Variants in SLC44A1 observed in about 807,000 individuals in gnomAD.
The protein encoded by SLC44A1 is solute carrier family 44 member 1.
In SLC44A1, 26 loss-of-function variants were observed where a neutral mutation model predicts 79.3. The ratio of observed to expected loss-of-function variants is 0.33; its 90% CI spans 0.24 to 0.46. The LOEUF is 0.46. Among genes scored for constraint, SLC44A1 ranks in the 20% least tolerant of loss-of-function variants. The probability of loss-of-function intolerance (pLI) is 1.00; values close to 1 mark genes in which losing one functional copy is unlikely to be tolerated. For synonymous variants in SLC44A1, 263 were observed against 286.2 expected (o/e 0.92, Z 0.82); for missense variants, 688 against 798.1 (o/e 0.86, Z 1.66).
intron 13 of SLC44A1, among the ~76,000 whole-genome samples, chr9:105,377,781 A>C (rs2131451968): frequency 6.6e-6 from 1 of 152,074 alleles, no homozygotes; most frequent in South Asian, 2.1e-4. Context: ...AAAGAGAAGA[A>C]TATAAAGATG....
intron 1 of SLC44A1, among the ~76,000 whole-genome samples, chr9:105,267,162 G>T (rs918033959): frequency 2.0e-5 from 3 of 152,120 alleles, no homozygotes; most frequent in Non-Finnish European, 1.5e-5. Context: ...CAGAATTCTA[G>T]GTTGGAAATT....
intron 13 of SLC44A1, among the ~76,000 whole-genome samples, chr9:105,377,194 C>G (rs1326217735): frequency 6.6e-6 from 1 of 151,774 alleles, no homozygotes; most frequent in Non-Finnish European, 1.5e-5. Flanking sequence ...CTGTTATTCA[C>G]CTACTAAGCC....
rs140068947 is a variant in SLC44A1, at chr9:105,366,994, A to G, written c.1494+565A>G. Among the ~76,000 whole-genome samples the G allele has an allele frequency of 3.2e-4, 49 of 151,724 alleles. No homozygotes were observed. The East Asian group carries it at 8.7e-3, about 27-fold the overall frequency. On this transcript the variant is annotated intron_variant, in intron 12 of 15. Transcript: ENST00000374720. ...CTATGATATTGGCCTGGGAAATATT[A>G]TCAAAGGAAGTACTACTTAATAAGG...
chr9:105,425,772 G>A (rs913572295), intron 15 of SLC44A1, among the ~76,000 whole-genome samples: 3 of 152,116 alleles, frequency 2.0e-5, no homozygotes, highest in East Asian at 1.9e-4. Flanking sequence ...GCAGTGAGCC[G>A]AGATCATGCC....
intron 13 of SLC44A1, among the ~76,000 whole-genome samples, chr9:105,376,311 G>T (rs1588848197): frequency 2.6e-5 from 2 of 76,444 alleles, no homozygotes; most frequent in Non-Finnish European, 5.4e-5. Flanking sequence ...GTATATATAT[G>T]TATACACACA....
In SLC44A1 at chr9:105,282,240, C is replaced by CT. The variant is rs71501464; in HGVS notation, c.37-16967dup. 1.8e-3 allele frequency among the ~76,000 whole-genome samples: 245 copies of CT among 137,926 alleles called. 1 individual carries two copies. The highest frequency in any genetic ancestry group is 3.8e-3 in the Middle Eastern group (1 of 260). 90.5% of individuals were successfully genotyped at this position (137,926 alleles called of 152,430 possible). A position where few individuals can be genotyped will look rare whatever the true frequency, so the allele number is the denominator to read the frequency against. On this transcript the variant is annotated intron_variant, in intron 1 of 15. Transcript: ENST00000374720. ...TATTAGCATTCATTTTTCTTGGTTGCTTTTTTTTTTTTTAAGAACAAATTT... is the reference window on the plus strand; with the variant it reads ...TATTAGCATTCATTTTTCTTGGTTGCTTTTTTTTTTTTTTAAGAACAAATTT...
chr9:105,284,663 A>T (rs537034733), intron 1 of SLC44A1, among the ~76,000 whole-genome samples: 1 of 152,058 alleles, frequency 6.6e-6, no homozygotes, highest in Admixed American at 6.6e-5. Context: ...CATCTCGTAT[A>T]TCTGATGCGG....
intron 3 of SLC44A1, among the ~76,000 whole-genome samples, chr9:105,318,542 G>A (rs1477338760): frequency 3.3e-5 from 5 of 152,212 alleles, no homozygotes; most frequent in South Asian, 2.1e-4. Context: ...TTGTAAAGAC[G>A]CTAACTAAAT....
chr9:105,332,920 A>G (rs1826797158), intron 3 of SLC44A1, among the ~76,000 whole-genome samples: 2 of 152,320 alleles, frequency 1.3e-5, no homozygotes, highest in East Asian at 1.9e-4. Context: ...ACAACAAACT[A>G]TAAAATCGGT....
chr9:105,362,044 TTGTG>T (rs1196846469), intron 8 of SLC44A1, among the ~76,000 whole-genome samples: 2 of 151,758 alleles, frequency 1.3e-5, no homozygotes, highest in Non-Finnish European at 2.9e-5. Flanking sequence ...ATATGTGTGT[TTGTG>T]TGTGCGTGTG....
chr9:105,278,509 A>G (rs903977784), intron 1 of SLC44A1, among the ~76,000 whole-genome samples: 5 of 152,216 alleles, frequency 3.3e-5, no homozygotes, highest in African/African-American at 1.2e-4. Context: ...CGGCCTCCCG[A>G]AGTGCTGGGA....
chr9:105,253,917 G>A (rs1829645174), intron 1 of SLC44A1, among the ~76,000 whole-genome samples: 1 of 152,210 alleles, frequency 6.6e-6, no homozygotes, highest in South Asian at 2.1e-4. Context: ...TAGAGATGAG[G>A]TTTCTATGTT....
rs540723836 is a variant in SLC44A1 at position 105,319,423 on chromosome 9, G to T, written c.269+9557G>T. ...CGAGCACAGTACTTTCTCAGTGTCAGTGTGTGACAATACACAGAGTATGGC... is the reference window on the plus strand; with the variant it reads ...CGAGCACAGTACTTTCTCAGTGTCATTGTGTGACAATACACAGAGTATGGC... On this transcript the variant is annotated intron_variant, in intron 3 of 15. Transcript: ENST00000374720. Among the ~76,000 whole-genome samples, 55 of 152,270 alleles carry T rather than the reference G, an allele frequency of 3.6e-4. 1 individual carries two copies. Among genetic ancestry groups the T allele is most frequent in the South Asian group, 2.1e-3 (10 of 4,804 alleles).
At chr9:105,404,228 C>CT (rs1828997914) in intron 15 of SLC44A1, among the ~76,000 whole-genome samples, 1 of 96,588 alleles carries the variant, frequency 1.0e-5, no homozygotes, top group African/African-American at 4.6e-5. Context: ...GAGCAGGACT[C>CT]ATCTCAAAAA....
At chr9:105,272,484 T>TC (rs1414387036) in intron 1 of SLC44A1, among the ~76,000 whole-genome samples, 1 of 151,876 alleles carries the variant, frequency 6.6e-6, no homozygotes, top group Non-Finnish European at 1.5e-5. Context: ...ACTGCGTGTG[T>TC]CCCTCAATGC....
At chr9:105,346,703 A>C (rs907391256) in intron 4 of SLC44A1, among the ~76,000 whole-genome samples, 1 of 152,168 alleles carries the variant, frequency 6.6e-6, no homozygotes, top group African/African-American at 2.4e-5. Context: ...TATGAAAGAC[A>C]GTACTCTTAG....
At chr9:105,301,875 CT>C (rs1830889906) in intron 2 of SLC44A1, among the ~76,000 whole-genome samples, 1 of 152,168 alleles carries the variant, frequency 6.6e-6, no homozygotes. Context: ...ATTATTTCTT[CT>C]TAGTAATCTT....
rs910605805 is a variant in SLC44A1 at position 105,265,219 on chromosome 9, T to C, written c.36+20315T>C. Among the ~76,000 whole-genome samples the C allele has an allele frequency of 9.8e-5, 15 of 152,340 alleles. No individual in the cohort carries two copies. The South Asian group carries it at 2.3e-3, about 23-fold the overall frequency. On this transcript the variant is annotated intron_variant, in intron 1 of 15. Transcript: ENST00000374720. ...AGTTGTATGAACTTTGACAGACGCA[T>C]GGCCTTATGGAGCCACCACCACCAG...
At chr9:105,289,116 G>A (rs908624182) in intron 1 of SLC44A1, among the ~76,000 whole-genome samples, 2 of 152,160 alleles carry the variant, frequency 1.3e-5, no homozygotes, top group Non-Finnish European at 2.9e-5. Context: ...TAGGGGAAGC[G>A]GTAAGGCCGT....
Sources: gnomAD v4.1 joint callset for allele counts (sites outside exome capture counted in the v4.1 genomes callset) on GRCh38, gnomAD v4.1.1 for gene constraint, MANE v1.5 for transcripts, NCBI Gene and HGNC (gene_info 2026-07-23, HGNC 2026-07-21) for gene names.